The following ELOVL7 variants were observed in gnomAD, a reference collection of about 807,000 sequenced individuals.
The protein encoded by ELOVL7 is very long chain fatty acid elongase 7.
In ELOVL7, 27 loss-of-function variants were observed where a neutral mutation model predicts 35.7. That is an observed-to-expected ratio of 0.76 (90% CI 0.56 to 1.04). The LOEUF is 1.04. Ranked by LOEUF, ELOVL7 falls within the 50% of genes least tolerant of loss-of-function variation. The pLI, the probability that ELOVL7 is intolerant of heterozygous loss-of-function variation, is 0.00. For missense variants in ELOVL7, 327 were observed against 340.8 expected (o/e 0.96, Z 0.32); for synonymous variants, 113 against 114.6 (o/e 0.99, Z 0.09).
At chr5:60,828,384 C>A (rs1254145802) in intron 1 of ELOVL7, among the ~76,000 whole-genome samples, 3 of 152,120 alleles carry the variant, frequency 2.0e-5, no homozygotes, top group African/African-American at 7.2e-5. Flanking sequence ...ATTATTTCTA[C>A]TACTGAAATT....
chr5:60,807,712 A>G (rs1481220143), intron 1 of ELOVL7, among the ~76,000 whole-genome samples: 1 of 152,102 alleles, frequency 6.6e-6, no homozygotes, highest in East Asian at 1.9e-4. Context: ...TAAAAGAATA[A>G]AATGGGGCCG....
chr5:60,828,490 T>G lies in ELOVL7; in HGVS notation c.-86+15670A>C, dbSNP rs796598768. On this transcript the variant is annotated intron_variant, in intron 1 of 8. Coordinates refer to ENST00000508821, the MANE Select transcript of ELOVL7 (RefSeq NM_024930.3). ...TACTTCAGGTAAAGTATTTATAGCTTTAGAAAAATATATTAACTGTATCAT... is the reference window on the plus strand; with the variant it reads ...TACTTCAGGTAAAGTATTTATAGCTGTAGAAAAATATATTAACTGTATCAT... Among the ~76,000 whole-genome samples, 5 of 152,162 alleles carry G rather than the reference T, an allele frequency of 3.3e-5. No homozygotes were observed. The South Asian group carries it at 1.0e-3, about 32-fold the overall frequency.
chr5:60,759,424 C>G (rs1741745398), intron 7 of ELOVL7, among the ~76,000 whole-genome samples: 1 of 152,110 alleles, frequency 6.6e-6, no homozygotes, highest in African/African-American at 2.4e-5. Flanking sequence ...GAATAGTTGT[C>G]TACTTCTGAT....
In ELOVL7 at chr5:60,754,679, C is replaced by T. The variant is rs374457003; in HGVS notation, c.791G>A (p.Gly264Asp). The T allele has an allele frequency of 1.4e-5, 22 of 1,613,962 alleles. No homozygotes were observed. The African/African-American group carries it at 1.7e-4, about 13-fold the overall frequency. ...TTTCACAGTTTTGGGCAACCTCTGACCTTTGGTGTAAGCACGGTACCAAAA... is the reference window on the plus strand; with the variant it reads ...TTTCACAGTTTTGGGCAACCTCTGATCTTTGGTGTAAGCACGGTACCAAAA... ...LHFWYRAYTK[G>D]QRLPKTVKNG... Residue 264 changes from glycine (G) to aspartate (D), a missense_variant, in exon 9 of 9, where the codon GGT (glycine) becomes GAT (aspartate). Transcript: ENST00000508821.
intron 1 of ELOVL7, among the ~76,000 whole-genome samples, chr5:60,814,044 G>A (rs1165136745): frequency 6.6e-6 from 1 of 152,126 alleles, no homozygotes; most frequent in Non-Finnish European, 1.5e-5. Context: ...CAAAAGCAAG[G>A]TGGCAACAAG....
intron 4 of ELOVL7, 61 bp from the exon 5 acceptor site, chr5:60,767,964 G>T: frequency 7.3e-7 from 1 of 1,368,338 alleles, no homozygotes; most frequent in Non-Finnish European, 1.0e-6. Context: ...CACAACAAAG[G>T]TAGTTTTGAT....
intron 1 of ELOVL7, among the ~76,000 whole-genome samples, chr5:60,834,445 G>A (rs999060469): frequency 8.6e-5 from 13 of 151,992 alleles, no homozygotes; most frequent in Non-Finnish European, 1.5e-4. Context: ...GCGCCCGACC[G>A]GTTCACATTA....
chr5:60,789,414 C>T (rs765506243), intron 2 of ELOVL7, among the ~76,000 whole-genome samples: 4 of 152,094 alleles, frequency 2.6e-5, no homozygotes, highest in Non-Finnish European at 4.4e-5. Context: ...ATTGAATAGG[C>T]CAAAATTCAA....
chr5:60,834,638 C>CA (rs1278831009), intron 1 of ELOVL7, among the ~76,000 whole-genome samples: 1 of 151,270 alleles, frequency 6.6e-6, no homozygotes, highest in Non-Finnish European at 1.5e-5. Context: ...TCCTGTCTCT[C>CA]AAAAAATGAT....
chr5:60,785,783 C>A (rs1056446131), intron 3 of ELOVL7: 1 of 152,150 alleles, frequency 6.6e-6, no homozygotes, highest in South Asian at 2.1e-4. Flanking sequence ...CACTATGTAT[C>A]CCCTACCACA....
chr5:60,790,391 C>T (rs1360915539), intron 2 of ELOVL7, among the ~76,000 whole-genome samples: 2 of 152,164 alleles, frequency 1.3e-5, no homozygotes, highest in Non-Finnish European at 2.9e-5. Flanking sequence ...ATAAAATCAG[C>T]TGTACCTTTA....
chr5:60,832,662 C>A (rs79407584), intron 1 of ELOVL7, among the ~76,000 whole-genome samples: 1 of 152,126 alleles, frequency 6.6e-6, no homozygotes, highest in African/African-American at 2.4e-5. Flanking sequence ...TCGCGCCCAG[C>A]CGGAATTTTT....
At chr5:60,804,898 A>C (rs773004108) in intron 1 of ELOVL7, among the ~76,000 whole-genome samples, 2 of 152,196 alleles carry the variant, frequency 1.3e-5, no homozygotes, top group African/African-American at 2.4e-5. Context: ...GCAAGACACA[A>C]TATTATTTTT....
intron 7 of ELOVL7, among the ~76,000 whole-genome samples, chr5:60,763,396 C>A (rs1320463879): frequency 6.6e-6 from 1 of 152,132 alleles, no homozygotes; most frequent in Non-Finnish European, 1.5e-5. Context: ...GTGGTTCCCC[C>A]TTTCTTTTAG....
intron 6 of ELOVL7, 81 bp from the exon 7 acceptor site, chr5:60,764,413 G>A (rs1742110892): frequency 9.5e-7 from 1 of 1,057,262 alleles, no homozygotes; most frequent in Non-Finnish European, 1.4e-6. Flanking sequence ...TTGGCAAAGT[G>A]CAAAGTATTT....
intron 3 of ELOVL7, among the ~76,000 whole-genome samples, chr5:60,786,979 G>T (rs2112237670): frequency 6.6e-6 from 1 of 151,972 alleles, no homozygotes; most frequent in African/African-American, 2.4e-5. Flanking sequence ...AAAAGAGTTG[G>T]CATTAACTGT....
At chr5:60,786,544 G>A (rs1314194304) in intron 3 of ELOVL7, among the ~76,000 whole-genome samples, 1 of 152,230 alleles carries the variant, frequency 6.6e-6, no homozygotes, top group Non-Finnish European at 1.5e-5. Flanking sequence ...AAGGGTAAAA[G>A]GCAGGCATAT....
intron 2 of ELOVL7, among the ~76,000 whole-genome samples, chr5:60,798,675 A>T (rs1228600194): frequency 2.6e-5 from 4 of 152,340 alleles, no homozygotes; most frequent in Non-Finnish European, 5.9e-5. Flanking sequence ...TTATAAATAC[A>T]TATGTACCCA....
chr5:60,813,417 A>G (rs1180220280), intron 1 of ELOVL7, among the ~76,000 whole-genome samples: 1 of 152,166 alleles, frequency 6.6e-6, no homozygotes, highest in East Asian at 1.9e-4. Flanking sequence ...AGAGAAAAAT[A>G]TAGTCCTAAA....
Sources: gnomAD v4.1 joint callset for allele counts (sites outside exome capture counted in the v4.1 genomes callset) on GRCh38, gnomAD v4.1.1 for gene constraint, MANE v1.5 for transcripts, NCBI Gene and HGNC (gene_info 2026-07-23, HGNC 2026-07-21) for gene names.